CCDC163: variants seen among roughly 807,000 people sequenced by gnomAD.
CCDC163 encodes the protein transmembrane protein CCDC163.
Under a neutral mutation model 8.2 loss-of-function variants are expected in CCDC163, and 13 were observed. That is an observed-to-expected ratio of 1.59 (90% CI 1.04 to 2.54). The LOEUF (loss-of-function observed/expected upper bound fraction) is 2.54, where lower values mean the gene tolerates loss of function less well. Among genes scored for constraint, CCDC163 ranks in the 30% most tolerant of loss-of-function variants. The pLI is 0.00. For synonymous variants in CCDC163, 41 were observed against 30.9 expected, an observed-to-expected ratio of 1.33 and a Z score of -1.08; for missense variants, 117 against 78.6, an observed-to-expected ratio of 1.49 and a Z score of -1.85.
Position 45,493,960 on chromosome 1 carries a change from A to G in CCDC163, c.*1099T>C, listed in dbSNP as rs1370968217. 1 of 151,924 alleles carries G rather than the reference A, an allele frequency of 6.6e-6. No homozygotes were observed. Among genetic ancestry groups the G allele is most frequent in the Admixed American group, 6.6e-5 (1 of 15,248 alleles). 9.4% of individuals were successfully genotyped at this position (151,924 alleles called of 1,614,324 possible). The stretch of plus-strand genomic sequence containing the variant: ...AATTAAATCATAACATTTTTATTTC[A>G]GTTAATAAATCTACACACATATTTA... On this transcript the variant is annotated 3_prime_UTR_variant, in exon 5 of 5. Coordinates refer to ENST00000629482, the MANE Select transcript of CCDC163 (RefSeq NM_001102601.3).
intron 2 of CCDC163, chr1:45,498,307 ACCTTC>A (rs1375093998): frequency 6.2e-6 from 1 of 160,228 alleles, no homozygotes; most frequent in African/African-American, 2.5e-5. Flanking sequence ...TTATCTGCTG[ACCTTC>A]CCTCCACTAT....
rs57092651 is a variant in CCDC163, at chr1:45,494,463, CA to C, written c.*595del. ...TGGGCAACTGAGTAAGACCTTGCCT[CA>C]AAAAAAAAAAAAAAAAAGGCAGAAG... On this transcript the variant is annotated 3_prime_UTR_variant, in exon 5 of 5. Coordinates refer to ENST00000629482, the MANE Select transcript of CCDC163 (RefSeq NM_001102601.3). 29,949 of 101,082 alleles carry C rather than the reference CA, an allele frequency of 0.3. 3,110 individuals are homozygous for C. Among genetic ancestry groups the C allele is most frequent in the East Asian group, 0.4 (1,513 of 3,740 alleles). The allele number at this position is 101,082 out of a possible 1,614,324, so 6.3% of individuals were successfully genotyped here. A position where few individuals can be genotyped will look rare whatever the true frequency, so the allele number is the denominator to read the frequency against.
At chr1:45,495,655 CTTTTTTTTTTTTTTTTTT>C in intron 4 of CCDC163, 21 of 469,240 alleles carry the variant, frequency 4.5e-5, no homozygotes, top group East Asian at 6.7e-5. Flanking sequence ...TCTCCTCCCT[CTTTTTTTTTTTTTTTTTT>C]TTTTTTTTTT....
chr1:45,496,714 A>G, intron 3 of CCDC163, 91 bp from the exon 4 acceptor site: 1 of 686,178 alleles, frequency 1.5e-6, no homozygotes, highest in African/African-American at 1.8e-5. Flanking sequence ...AAAAACTGAG[A>G]CAGAAACATT....
intron 4 of CCDC163, chr1:45,496,269 C>T (rs1438109192): frequency 1.6e-5 from 8 of 487,534 alleles, no homozygotes; most frequent in Non-Finnish European, 3.0e-5. Context: ...TAACATCTGC[C>T]AGATCATGGG....
intron 2 of CCDC163, among the ~76,000 whole-genome samples, chr1:45,497,648 C>T (rs1439093027): frequency 2.8e-4 from 27 of 96,460 alleles, no homozygotes; most frequent in South Asian, 7.5e-4. Context: ...CCGGCCGCCA[C>T]CCCGTCTGGG....
At chr1:45,498,023 T>A (rs1229484478) in intron 2 of CCDC163, among the ~76,000 whole-genome samples, 2 of 150,070 alleles carry the variant, frequency 1.3e-5, no homozygotes, top group African/African-American at 4.9e-5. Context: ...ACTTTTCATT[T>A]TGTTCTGTAC....
Position 45,499,824 on chromosome 1 carries a change from A to G in CCDC163, c.-215T>C, listed in dbSNP as rs952232278. 1.9e-4 allele frequency: 112 copies of G among 582,182 alleles called. No individual in the cohort carries two copies. In the Middle Eastern group the frequency reaches 4.1e-3, roughly 22 times the overall value. The allele number at this position is 582,182 out of a possible 1,614,324, so 36.1% of individuals were successfully genotyped here. On this transcript the variant is annotated 5_prime_UTR_variant, in exon 1 of 5. Transcript: ENST00000629482. Reference sequence around the variant, plus strand: ...AAGGACGCTCTTGGGGAACTGGGGGAAAAGCGGGATACCGTGATGATACGC... The same window carrying G: ...AAGGACGCTCTTGGGGAACTGGGGGGAAAGCGGGATACCGTGATGATACGC...
chr1:45,495,901 G>A (rs946159787), intron 4 of CCDC163, among the ~76,000 whole-genome samples: 8 of 152,066 alleles, frequency 5.3e-5, no homozygotes, highest in African/African-American at 7.2e-5. Context: ...CAGGTGATCC[G>A]CCCACCTCGG....
At chr1:45,495,334 G>C (rs770163908) in intron 4 of CCDC163, 168 bp from the exon 5 acceptor site, 1 of 702,930 alleles carries the variant, frequency 1.4e-6, no homozygotes, top group Non-Finnish European at 2.6e-6. Context: ...ATTCTACCTA[G>C]TGTTAAATAA....
intron 2 of CCDC163, among the ~76,000 whole-genome samples, chr1:45,498,107 G>A (rs1382314746): frequency 6.6e-6 from 1 of 151,516 alleles, no homozygotes; most frequent in Non-Finnish European, 1.5e-5. Flanking sequence ...TCTGAAACAT[G>A]TGCTGTGTCC....
chr1:45,497,211 A>G (rs191384971), intron 3 of CCDC163, 88 bp downstream of exon 3: 11 of 639,972 alleles, frequency 1.7e-5, no homozygotes, highest in Non-Finnish European at 2.8e-6. Context: ...AAGAATAAAA[A>G]TAAATAAAAA....
Position 45,494,943 on chromosome 1 carries a change from C to A in CCDC163, c.*116G>T. The A allele has an allele frequency of 1.4e-6, 1 of 710,530 alleles. No individual in the cohort carries two copies. The allele number at this position is 710,530 out of a possible 1,614,324, so 44.0% of individuals were successfully genotyped here. On this transcript the variant is annotated 3_prime_UTR_variant, in exon 5 of 5. Transcript: ENST00000629482. ...CAGTGAAAAGCCTCAGTAGATAAGA[C>A]AGATAATAGCTACTTCAAGAAGGTA...
intron 2 of CCDC163, 111 bp downstream of exon 2, chr1:45,499,232 CAG>C (rs1643462609): frequency 1.4e-6 from 1 of 704,070 alleles, no homozygotes; most frequent in African/African-American, 1.8e-5. Flanking sequence ...TGTGGGGAAA[CAG>C]AGTTCAGGAA....
chr1:45,493,894 A>G lies in CCDC163; in HGVS notation c.*1165T>C, dbSNP rs1006258988. On this transcript the variant is annotated 3_prime_UTR_variant, in exon 5 of 5. Transcript: ENST00000629482. Reference sequence around the variant, plus strand: ...GTCACAAGGCATTTTTTAATGAAATATAATAGAAAATATCAGTGTATCACT... The same window carrying G: ...GTCACAAGGCATTTTTTAATGAAATGTAATAGAAAATATCAGTGTATCACT... The G allele has an allele frequency of 1.3e-5, 2 of 152,246 alleles. No individual in the cohort carries two copies. Among genetic ancestry groups the G allele is most frequent in the Admixed American group, 1.3e-4 (2 of 15,276 alleles). The allele number at this position is 152,246 out of a possible 1,614,324, so 9.4% of individuals were successfully genotyped here.
At position 45,494,789 on chromosome 1, in the gene CCDC163, T is replaced by G. The variant is rs1653942312; in HGVS notation, c.*270A>C. ...CTGGCCAACATGGTGAAACCCCATC[T>G]CTACTAAAAATACAAAAATTAGCGC... On this transcript the variant is annotated 3_prime_UTR_variant, in exon 5 of 5. Transcript: ENST00000629482. The G allele has an allele frequency of 2.5e-6, 1 of 395,656 alleles. No individual in the cohort carries two copies. The highest frequency in any genetic ancestry group is 3.6e-5 in the Admixed American group (1 of 28,166). 24.5% of individuals were successfully genotyped at this position (395,656 alleles called of 1,614,324 possible). A position where few individuals can be genotyped will look rare whatever the true frequency, so the allele number is the denominator to read the frequency against.
intron 2 of CCDC163, among the ~76,000 whole-genome samples, chr1:45,497,669 C>G (rs1553161772): frequency 1.4e-5 from 1 of 72,580 alleles, no homozygotes. Flanking sequence ...AAGTGAGGAG[C>G]GTCTCCGCCC....
Position 45,498,006 on chromosome 1 carries a change from A to G in CCDC163, c.178-623T>C, listed in dbSNP as rs1210815482. 1.9e-3 allele frequency among the ~76,000 whole-genome samples: 277 copies of G among 149,642 alleles called. 1 individual carries two copies. Among genetic ancestry groups the G allele is most frequent in the African/African-American group, 6.3e-3 (257 of 40,762 alleles). On this transcript the variant is annotated intron_variant, in intron 2 of 4. Coordinates refer to ENST00000629482, the MANE Select transcript of CCDC163 (RefSeq NM_001102601.3). ...CGTGTCTGTGTAGAAAGAAGTAGAC[A>G]TGGGAGACTTTTCATTTTGTTCTGT...
At position 45,499,731 on chromosome 1, in the gene CCDC163, GGGATGCAACACTGGGGTAGGT is replaced by G; in HGVS notation, c.-143_-123del. 4.6e-6 allele frequency: 3 copies of G among 653,768 alleles called. No individual in the cohort carries two copies. The highest frequency in any genetic ancestry group is 8.4e-6 in the Non-Finnish European group (3 of 357,928). 40.5% of individuals were successfully genotyped at this position (653,768 alleles called of 1,614,324 possible). A position where few individuals can be genotyped will look rare whatever the true frequency, so the allele number is the denominator to read the frequency against. ...CACGTTAGATGGAAAGAGGGAAGTG[GGGATGCAACACTGGGGTAGGT>G]GGATGCACTATCAGACCAAAACTGC... On this transcript the variant is annotated 5_prime_UTR_variant, in exon 1 of 5. Transcript: ENST00000629482.
Sources: gnomAD v4.1 joint callset for allele counts (sites outside exome capture counted in the v4.1 genomes callset) on GRCh38, gnomAD v4.1.1 for gene constraint, MANE v1.5 for transcripts, NCBI Gene and HGNC (gene_info 2026-07-23, HGNC 2026-07-21) for gene names.